Variants in TAFA2 observed in about 807,000 individuals in gnomAD.
TAFA2 encodes the protein TAFA chemokine like family member 2, also known as chemokine-like protein TAFA-2.
In TAFA2, 7 loss-of-function variants were observed where a neutral mutation model predicts 18.8. The observed-to-expected ratio is 0.37, with a 90% confidence interval of 0.21 to 0.70. The LOEUF is 0.70. TAFA2 is among the 30% of genes least tolerant of loss of function. The pLI is 0.53. For synonymous variants in TAFA2, 60 were observed against 54.2 expected (o/e 1.11, Z -0.47); for missense variants, 122 against 158.1 (o/e 0.77, Z 1.23).
At chr12:62,171,169 A>G (rs1234159804) in intron 1 of TAFA2, among the ~76,000 whole-genome samples, 3 of 152,064 alleles carry the variant, frequency 2.0e-5, no homozygotes, top group Non-Finnish European at 4.4e-5. Context: ...TATTATTAAC[A>G]TTTTATTCTT....
chr12:61,817,806 T>C (rs1429806451), intron 2 of TAFA2, among the ~76,000 whole-genome samples: 1 of 152,208 alleles, frequency 6.6e-6, no homozygotes, highest in African/African-American at 2.4e-5. Flanking sequence ...AAATGACATA[T>C]TGACACAATT....
intron 2 of TAFA2, among the ~76,000 whole-genome samples, chr12:61,825,261 T>C (rs1245305195): frequency 6.6e-6 from 1 of 151,994 alleles, no homozygotes; most frequent in Admixed American, 6.6e-5. Flanking sequence ...ATGAAGACAC[T>C]GCGGATGTGG....
At chr12:62,245,440 T>C (rs2062880440) in intron 1 of TAFA2, among the ~76,000 whole-genome samples, 1 of 151,850 alleles carries the variant, frequency 6.6e-6, no homozygotes, top group Admixed American at 6.6e-5. Flanking sequence ...CTGCAGATTA[T>C]CTTGAATTTC....
At chr12:61,726,384 T>C (rs544988948) in intron 4 of TAFA2, among the ~76,000 whole-genome samples, 39 of 152,262 alleles carry the variant, frequency 2.6e-4, no homozygotes, top group African/African-American at 8.9e-4. Flanking sequence ...TGAGTTTCTA[T>C]TTGTTAGTGT....
intron 1 of TAFA2, among the ~76,000 whole-genome samples, chr12:62,112,545 G>A (rs888403168): frequency 1.3e-5 from 2 of 152,144 alleles, no homozygotes; most frequent in African/African-American, 4.8e-5. Context: ...TTTCTAGGCT[G>A]AGGAAGTTCT....
Position 61,729,045 on chromosome 12 carries a change from A to G in TAFA2, c.385-18628T>C, listed in dbSNP as rs1024633586. 1.5e-4 allele frequency among the ~76,000 whole-genome samples: 21 copies of G among 138,376 alleles called. 1 individual carries two copies. Among genetic ancestry groups the G allele is most frequent in the Admixed American group, 5.2e-4 (7 of 13,344 alleles). 90.8% of individuals were successfully genotyped at this position (138,376 alleles called of 152,430 possible). A position where few individuals can be genotyped will look rare whatever the true frequency, so the allele number is the denominator to read the frequency against. Reference sequence around the variant, plus strand: ...AAATTCTTGGCTGATTTTTTTTTTCATTTAAGAAGGCTAAAAATAGCACCC... The same window carrying G: ...AAATTCTTGGCTGATTTTTTTTTTCGTTTAAGAAGGCTAAAAATAGCACCC... On this transcript the variant is annotated intron_variant, in intron 4 of 4. Coordinates refer to ENST00000416284, the MANE Select transcript of TAFA2 (RefSeq NM_178539.5).
intron 1 of TAFA2, among the ~76,000 whole-genome samples, chr12:62,236,119 A>G (rs2062836038): frequency 1.3e-5 from 2 of 152,080 alleles, no homozygotes; most frequent in Admixed American, 1.3e-4. Context: ...AGATTTCTGC[A>G]GTTATTATTT....
chr12:61,736,696 C>T (rs1013355808), intron 4 of TAFA2, among the ~76,000 whole-genome samples: 1 of 151,918 alleles, frequency 6.6e-6, no homozygotes, highest in African/African-American at 2.4e-5. Flanking sequence ...ATATGTCCTA[C>T]TATGGACAAT....
At chr12:61,757,724 G>A (rs1459030463) in intron 2 of TAFA2, among the ~76,000 whole-genome samples, 1 of 152,056 alleles carries the variant, frequency 6.6e-6, no homozygotes, top group African/African-American at 2.4e-5. Context: ...AAATGTGTGT[G>A]TGAAGGAATG....
chr12:61,903,912 G>A (rs1430714204), intron 1 of TAFA2, among the ~76,000 whole-genome samples: 1 of 152,038 alleles, frequency 6.6e-6, no homozygotes, highest in African/African-American at 2.4e-5. Context: ...TGCCTTTCCA[G>A]ACAATGGAAT....
intron 1 of TAFA2, among the ~76,000 whole-genome samples, chr12:62,166,058 A>T (rs762203965): frequency 6.6e-6 from 1 of 152,024 alleles, no homozygotes; most frequent in African/African-American, 2.4e-5. Flanking sequence ...AATGTCCCCC[A>T]GGAAAGCTAT....
At chr12:62,171,726 C>T (rs1178887479) in intron 1 of TAFA2, among the ~76,000 whole-genome samples, 1 of 152,156 alleles carries the variant, frequency 6.6e-6, no homozygotes, top group Non-Finnish European at 1.5e-5. Context: ...AAATAAATTG[C>T]TATTGTTTAT....
intron 2 of TAFA2, among the ~76,000 whole-genome samples, 179 bp downstream of exon 2, chr12:61,867,141 C>A (rs189113438): frequency 6.6e-6 from 1 of 152,010 alleles, no homozygotes; most frequent in East Asian, 1.9e-4. Context: ...CTGAAAATAT[C>A]ATCTTTCTCT....
chr12:61,830,514 T>C (rs964872423), intron 2 of TAFA2, among the ~76,000 whole-genome samples: 1 of 151,764 alleles, frequency 6.6e-6, no homozygotes, highest in Non-Finnish European at 1.5e-5. Flanking sequence ...CAAAACCACA[T>C]GTTCTGACTT....
chr12:61,738,092 A>G (rs540414739), intron 4 of TAFA2, among the ~76,000 whole-genome samples: 1 of 152,158 alleles, frequency 6.6e-6, no homozygotes, highest in South Asian at 2.1e-4. Flanking sequence ...GAATATCTAT[A>G]AACACTTTCT....
chr12:62,120,085 AG>A (rs1446336918), intron 1 of TAFA2, among the ~76,000 whole-genome samples: 1 of 152,096 alleles, frequency 6.6e-6, no homozygotes, highest in African/African-American at 2.4e-5. Flanking sequence ...TAAAAAAAAA[AG>A]TAAAAGTGTT....
At chr12:61,913,287 C>A (rs942208305) in intron 1 of TAFA2, among the ~76,000 whole-genome samples, 2 of 152,176 alleles carry the variant, frequency 1.3e-5, no homozygotes, top group African/African-American at 4.8e-5. Flanking sequence ...GATTACTATA[C>A]ACAGTGCCCT....
intron 1 of TAFA2, chr12:62,235,283 T>A: frequency 3.0e-6 from 2 of 660,988 alleles, no homozygotes; most frequent in Non-Finnish European, 5.6e-6. Context: ...CAATCTTCCC[T>A]GATGCCTCAA....
chr12:62,138,630 A>C (rs948828802), intron 1 of TAFA2, among the ~76,000 whole-genome samples: 4 of 152,180 alleles, frequency 2.6e-5, no homozygotes, highest in African/African-American at 7.2e-5. Context: ...AGTCTTCTAG[A>C]GTCTACTTGC....
Sources: gnomAD v4.1 joint callset for allele counts (sites outside exome capture counted in the v4.1 genomes callset) on GRCh38, gnomAD v4.1.1 for gene constraint, MANE v1.5 for transcripts, NCBI Gene and HGNC (gene_info 2026-07-23, HGNC 2026-07-21) for gene names.